NBAS: variants seen among roughly 807,000 people sequenced by gnomAD.
NBAS encodes the protein NBAS subunit of NRZ tethering complex, also known as NAG/BC035112 fusion.
Under a neutral mutation model 302.5 loss-of-function variants are expected in NBAS, and 219 were observed. That is an observed-to-expected ratio of 0.72 (90% CI 0.65 to 0.81). NBAS has a LOEUF of 0.81. Ranked by LOEUF, NBAS falls within the 30% of genes least tolerant of loss-of-function variation. The pLI is 0.00. For missense variants in NBAS, 2,932 were observed against 2,841.6 expected, an observed-to-expected ratio of 1.03 and a Z score of -0.72; for synonymous variants, 1,118 against 1,021.6, an observed-to-expected ratio of 1.09 and a Z score of -1.80.
At chr2:14,873,360 G>C in the NBAS span, among the ~76,000 whole-genome samples, 2 of 152,266 alleles carry the variant, frequency 1.3e-5, no homozygotes, top group South Asian at 2.1e-4. Context: ...GATTATAGGC[G>C]TGTGCCACCA....
At chr2:15,054,602 A>T in the NBAS span, among the ~76,000 whole-genome samples, 2 of 152,186 alleles carry the variant, frequency 1.3e-5, no homozygotes, top group Non-Finnish European at 2.9e-5. Flanking sequence ...ACTGTACCCA[A>T]TTGAAGGGAA....
chr2:15,526,625 G>A (rs1662925741), intron 9 of NBAS, among the ~76,000 whole-genome samples: 1 of 151,684 alleles, frequency 6.6e-6, no homozygotes. Context: ...ATGCACAACA[G>A]GCCACTTACA....
chr2:15,072,459 A>T, the NBAS span, among the ~76,000 whole-genome samples: 1 of 152,218 alleles, frequency 6.6e-6, no homozygotes, highest in East Asian at 1.9e-4. Context: ...TTTCTTTTGA[A>T]TTTTTTATGA....
At chr2:15,126,118 ACGAG>A in the NBAS span, among the ~76,000 whole-genome samples, 3 of 152,062 alleles carry the variant, frequency 2.0e-5, no homozygotes. Flanking sequence ...TCCCTTGGTG[ACGAG>A]TGAGTTCTCA....
chr2:14,859,110 T>C, the NBAS span, among the ~76,000 whole-genome samples: 1 of 152,010 alleles, frequency 6.6e-6, no homozygotes, highest in Admixed American at 6.6e-5. Flanking sequence ...ATAAAATATC[T>C]AGGTTTTAAT....
chr2:15,400,896 G>A (rs947256067), intron 26 of NBAS, among the ~76,000 whole-genome samples: 15 of 152,004 alleles, frequency 9.9e-5, no homozygotes, highest in Admixed American at 9.8e-4. Context: ...TTTCTTCATG[G>A]TGTTATTTAC....
At chr2:15,426,016 T>C (rs552695475) in intron 22 of NBAS, among the ~76,000 whole-genome samples, 2 of 152,290 alleles carry the variant, frequency 1.3e-5, no homozygotes, top group East Asian at 3.9e-4. Flanking sequence ...AGCCCAGCTC[T>C]CTTCTTGCTT....
chr2:15,237,444 G>A (rs1046713903), intron 45 of NBAS, among the ~76,000 whole-genome samples: 14 of 151,362 alleles, frequency 9.2e-5, no homozygotes, highest in African/African-American at 2.9e-4. Flanking sequence ...ATTTTATGTT[G>A]GAAACATGCA....
chr2:14,840,794 T>C, the NBAS span, among the ~76,000 whole-genome samples: 1 of 151,998 alleles, frequency 6.6e-6, no homozygotes, highest in African/African-American at 2.4e-5. Context: ...AGTTCTCAAT[T>C]TGAAAGAAAA....
chr2:14,825,466 G>C, the NBAS span, among the ~76,000 whole-genome samples: 2 of 152,170 alleles, frequency 1.3e-5, no homozygotes. Flanking sequence ...CTGACTCCCT[G>C]TAGCCCCAGT....
the NBAS span, among the ~76,000 whole-genome samples, chr2:14,942,349 G>A: frequency 6.6e-6 from 1 of 152,120 alleles, no homozygotes; most frequent in African/African-American, 2.4e-5. Context: ...GTAGTTTAGT[G>A]CCACCCCTCT....
chr2:14,851,356 T>C, the NBAS span, among the ~76,000 whole-genome samples: 1 of 151,812 alleles, frequency 6.6e-6, no homozygotes, highest in Non-Finnish European at 1.5e-5. Flanking sequence ...CCTCGACACA[T>C]ACACCCTCCC....
chr2:15,099,688 G>C, the NBAS span, among the ~76,000 whole-genome samples: 1 of 152,016 alleles, frequency 6.6e-6, no homozygotes, highest in African/African-American at 2.4e-5. Flanking sequence ...ACGGGATCCT[G>C]TTGGGAAAGC....
At chr2:14,791,018 G>A in the NBAS span, among the ~76,000 whole-genome samples, 1 of 152,116 alleles carries the variant, frequency 6.6e-6, no homozygotes, top group African/African-American at 2.4e-5. Context: ...ACTACGCCCA[G>A]CTGATTTTGT....
chr2:14,816,460 C>A, the NBAS span, among the ~76,000 whole-genome samples: 365 of 152,302 alleles, frequency 2.4e-3, no homozygotes, highest in African/African-American at 8.0e-3. Flanking sequence ...CCACAAAACC[C>A]GTCCCTGGTG....
At chr2:14,834,043 A>C in the NBAS span, among the ~76,000 whole-genome samples, 7 of 152,174 alleles carry the variant, frequency 4.6e-5, no homozygotes, top group African/African-American at 1.7e-4. Flanking sequence ...CAAACATATA[A>C]GTTAGCGATC....
the NBAS span, among the ~76,000 whole-genome samples, chr2:15,069,422 A>G: frequency 6.6e-6 from 1 of 152,192 alleles, no homozygotes; most frequent in Non-Finnish European, 1.5e-5. Flanking sequence ...TCATCTTGAA[A>G]TGATTACCTT....
At chr2:15,408,138 T>A (rs1676509391) in intron 25 of NBAS, among the ~76,000 whole-genome samples, 1 of 152,192 alleles carries the variant, frequency 6.6e-6, no homozygotes, top group African/African-American at 2.4e-5. Context: ...CCAGGTAAGG[T>A]AACATCTTCA....
In NBAS at chr2:15,254,553, T is replaced by C. The variant is rs184275198; in HGVS notation, c.5725-15867A>G. Among the ~76,000 whole-genome samples, 12 of 152,290 alleles carry C rather than the reference T, an allele frequency of 7.9e-5. No homozygotes were observed. The South Asian group carries it at 1.5e-3, about 18-fold the overall frequency. On this transcript the variant is annotated intron_variant, in intron 44 of 51. Transcript: ENST00000281513. Reference sequence around the variant, plus strand: ...TTCTTTTTTTTCTTCTAAGTTATTTTTAAAAAAATTCAACAGTTTTAGGGG... The same window carrying C: ...TTCTTTTTTTTCTTCTAAGTTATTTCTAAAAAAATTCAACAGTTTTAGGGG...
Sources: gnomAD v4.1 joint callset for allele counts (sites outside exome capture counted in the v4.1 genomes callset) on GRCh38, gnomAD v4.1.1 for gene constraint, MANE v1.5 for transcripts, NCBI Gene and HGNC (gene_info 2026-07-23, HGNC 2026-07-21) for gene names.